Variants in MAP3K2 observed in about 807,000 individuals in gnomAD.
MAP3K2 encodes the protein MAP/ERK kinase kinase 2.
In MAP3K2, 24 loss-of-function variants were observed where a neutral mutation model predicts 80.3. The ratio of observed to expected loss-of-function variants is 0.30; its 90% CI spans 0.22 to 0.42. The LOEUF (loss-of-function observed/expected upper bound fraction) is 0.42. MAP3K2 is among the 10% of genes least tolerant of loss of function. The pLI is 1.00. For missense variants in MAP3K2, 608 were observed against 750.1 expected (o/e 0.81, Z 2.21); for synonymous variants, 244 against 253.7 (o/e 0.96, Z 0.36).
In MAP3K2 at chr2:127,301,841, G is replaced by T. The variant is rs779872736; in HGVS notation, c.*5738C>A. ...AATGCTTACAGGACCACTGAAAAAA[G>T]AATCTCTAGGCTCCCCCAAGAGCTC... On this transcript the variant is annotated 3_prime_UTR_variant, in exon 17 of 17. Transcript: ENST00000682094. 1 of 152,134 alleles carries T rather than the reference G, an allele frequency of 6.6e-6. No individual in the cohort carries two copies. Among genetic ancestry groups the T allele is most frequent in the African/African-American group, 2.4e-5 (1 of 41,424 alleles). 9.4% of individuals were successfully genotyped at this position (152,134 alleles called of 1,614,324 possible). A position where few individuals can be genotyped will look rare whatever the true frequency, so the allele number is the denominator to read the frequency against.
At position 127,300,405 on chromosome 2, in the gene MAP3K2, GAATTT is replaced by G. The variant is rs1335189135; in HGVS notation, c.*7169_*7173del. 5 of 152,154 alleles carry G rather than the reference GAATTT, an allele frequency of 3.3e-5. No individual in the cohort carries two copies. Among genetic ancestry groups the G allele is most frequent in the African/African-American group, 1.2e-4 (5 of 41,540 alleles). The allele number at this position is 152,154 out of a possible 1,614,324, so 9.4% of individuals were successfully genotyped here. A position where few individuals can be genotyped will look rare whatever the true frequency, so the allele number is the denominator to read the frequency against. The stretch of plus-strand genomic sequence containing the variant: ...GAGAAACCAATAGGTTAAATATAGA[GAATTT>G]AATGGCTACATTTAAAAATGTACAT... On this transcript the variant is annotated 3_prime_UTR_variant, in exon 17 of 17. Coordinates refer to ENST00000682094, the MANE Select transcript of MAP3K2 (RefSeq NM_001371910.2).
At chr2:127,357,758 A>G (rs1686820650) in intron 1 of MAP3K2, among the ~76,000 whole-genome samples, 2 of 152,210 alleles carry the variant, frequency 1.3e-5, no homozygotes, top group Admixed American at 1.3e-4. Context: ...TTTTCTATAC[A>G]CTGTGGTACA....
chr2:127,377,433 C>T lies in MAP3K2; in HGVS notation c.-66+10019G>A, dbSNP rs193170793. Among the ~76,000 whole-genome samples the T allele has an allele frequency of 2.1e-3, 325 of 151,424 alleles. 2 individuals carry two copies. Among genetic ancestry groups the T allele is most frequent in the African/African-American group, 7.4e-3 (307 of 41,274 alleles). ...CATTGGCCCTAGCCCCAGAAGATTC[C>T]AGTGCACACATTCATCACAGAGAAT... On this transcript the variant is annotated intron_variant, in intron 1 of 16. Coordinates refer to ENST00000682094, the MANE Select transcript of MAP3K2 (RefSeq NM_001371910.2).
intron 5 of MAP3K2, among the ~76,000 whole-genome samples, chr2:127,334,479 G>A (rs1686326204): frequency 6.6e-6 from 1 of 152,180 alleles, no homozygotes; most frequent in Admixed American, 6.5e-5. Flanking sequence ...CACACAGGCT[G>A]GAGTGCAGTG....
chr2:127,351,571 A>G (rs753261650), intron 1 of MAP3K2, among the ~76,000 whole-genome samples: 16 of 152,126 alleles, frequency 1.1e-4, no homozygotes, highest in Non-Finnish European at 2.4e-4. Flanking sequence ...CTTATATTCC[A>G]ATCCATTAGC....
chr2:127,341,291 CTTAT>C (rs1558981999), intron 2 of MAP3K2, among the ~76,000 whole-genome samples: 2 of 151,430 alleles, frequency 1.3e-5, no homozygotes, highest in African/African-American at 4.8e-5. Flanking sequence ...ACCCGGCCTA[CTTAT>C]TTATTAAGAA....
At chr2:127,368,652 A>G (rs186242008) in intron 1 of MAP3K2, among the ~76,000 whole-genome samples, 3 of 152,228 alleles carry the variant, frequency 2.0e-5, no homozygotes, top group Admixed American at 6.5e-5. Flanking sequence ...TAAAAATAAA[A>G]AGGCAAAGTA....
chr2:127,354,269 GAA>G (rs537174159), intron 1 of MAP3K2, among the ~76,000 whole-genome samples: 11 of 104,702 alleles, frequency 1.1e-4, no homozygotes, highest in East Asian at 2.8e-4. Flanking sequence ...AATATCATTT[GAA>G]AAAAAAAAAA....
At chr2:127,366,297 CA>C (rs1268620856) in intron 1 of MAP3K2, among the ~76,000 whole-genome samples, 4 of 151,176 alleles carry the variant, frequency 2.6e-5, no homozygotes, top group African/African-American at 9.7e-5. Context: ...CCTGCAGCCC[CA>C]GCTACTCAGG....
intron 1 of MAP3K2, among the ~76,000 whole-genome samples, chr2:127,378,849 C>G (rs889225105): frequency 6.6e-6 from 1 of 152,174 alleles, no homozygotes; most frequent in Non-Finnish European, 1.5e-5. Context: ...TCACTGTAGC[C>G]TGGACCTCCT....
rs537861681 is a variant in MAP3K2, at chr2:127,307,653, G to A, written c.1786C>T (p.Arg596Trp). ...CTCAGTTTGGCCTCTACAAAAATCC[G>A]TTTGAGGAAATCTCGAGTATAGTCT... ...VSDYTRDFLK[R>W]IFVEAKLRPS... Residue 596 changes from arginine to tryptophan, a missense_variant, in exon 17 of 17, where the codon CGG becomes TGG. Coordinates refer to ENST00000682094, the MANE Select transcript of MAP3K2 (RefSeq NM_001371910.2). This position sits in a 1 kb window ranked among gnomAD's most constrained non-coding sequence, Gnocchi z 5.4. 17 of 1,591,318 alleles carry A rather than the reference G, an allele frequency of 1.1e-5. No homozygotes were observed. Among genetic ancestry groups the A allele is most frequent in the Admixed American group, 3.5e-5 (2 of 56,532 alleles).
In MAP3K2 at chr2:127,306,049, G is replaced by A. The variant is rs957930702; in HGVS notation, c.*1530C>T. The A allele has an allele frequency of 6.6e-6, 1 of 151,648 alleles. No individual in the cohort carries two copies. Among genetic ancestry groups the A allele is most frequent in the Non-Finnish European group, 1.5e-5 (1 of 67,950 alleles). 9.4% of individuals were successfully genotyped at this position (151,648 alleles called of 1,614,324 possible). On this transcript the variant is annotated 3_prime_UTR_variant, in exon 17 of 17. Transcript: ENST00000682094. This position sits in a 1 kb window ranked among gnomAD's most constrained non-coding sequence, Gnocchi z 4.7. ...GTTCCTAAAATGAAGAGTTACCTATGTGGGTGCAATATGCAGCTGGTAAAG... is the reference window on the plus strand; with the variant it reads ...GTTCCTAAAATGAAGAGTTACCTATATGGGTGCAATATGCAGCTGGTAAAG...
intron 5 of MAP3K2, among the ~76,000 whole-genome samples, chr2:127,335,256 C>CAATT (rs1340297876): frequency 6.6e-6 from 1 of 152,058 alleles, no homozygotes; most frequent in Non-Finnish European, 1.5e-5. Flanking sequence ...ATTACTAACC[C>CAATT]AATTATTAAC....
At chr2:127,360,247 G>C (rs980442947) in intron 1 of MAP3K2, among the ~76,000 whole-genome samples, 1 of 152,000 alleles carries the variant, frequency 6.6e-6, no homozygotes, top group African/African-American at 2.4e-5. Context: ...TATGCTGAGT[G>C]AAAGAAGCTA....
intron 1 of MAP3K2, among the ~76,000 whole-genome samples, chr2:127,385,116 G>T (rs1687321030): frequency 6.6e-6 from 1 of 152,152 alleles, no homozygotes; most frequent in African/African-American, 2.4e-5. Context: ...CTCCAATTTT[G>T]AAAAATGTTC....
At chr2:127,335,758 A>G (rs1686354528) in intron 5 of MAP3K2, 112 bp downstream of exon 5, 1 of 569,026 alleles carries the variant, frequency 1.8e-6, no homozygotes, top group South Asian at 2.9e-5. Flanking sequence ...CTTCTGACAT[A>G]CCATATATTT....
intron 1 of MAP3K2, among the ~76,000 whole-genome samples, chr2:127,362,540 A>T (rs182299947): frequency 6.6e-6 from 1 of 152,304 alleles, no homozygotes; most frequent in Admixed American, 6.5e-5. Flanking sequence ...TATTTTAAAG[A>T]GGAAAGAAGG....
Position 127,381,420 on chromosome 2 carries a change from T to C in MAP3K2, c.-66+6032A>G, listed in dbSNP as rs189002208. The stretch of plus-strand genomic sequence containing the variant: ...TTTCAAGCCAGGTTTCTTATAAAAT[T>C]CGTAACAAACGATACTTTGAATACT... On this transcript the variant is annotated intron_variant, in intron 1 of 16. Transcript: ENST00000682094. Among the ~76,000 whole-genome samples the C allele has an allele frequency of 1.3e-3, 194 of 152,326 alleles. 2 individuals carry two copies. The highest frequency in any genetic ancestry group is 1.9e-3 in the Non-Finnish European group (127 of 68,026).
chr2:127,382,119 TGTACAAACCACAAATGACAATTCAGTAC>T (rs982014514), intron 1 of MAP3K2, among the ~76,000 whole-genome samples: 1 of 152,150 alleles, frequency 6.6e-6, no homozygotes, highest in African/African-American at 2.4e-5. Flanking sequence ...TGGGGATGGG[TGTACAAACCACAAATGACAATTCAGTAC>T]GAATGAGATG....
Sources: allele counts gnomAD v4.1 joint callset (sites outside exome capture counted in the v4.1 genomes callset), GRCh38; gene constraint gnomAD v4.1.1; non-coding constraint Gnocchi (gnomAD v3.1); transcripts MANE v1.5; gene names NCBI Gene and HGNC (gene_info 2026-07-23, HGNC 2026-07-21).